Variants in GRM8 observed in about 807,000 individuals in gnomAD.
GRM8 encodes metabotropic glutamate receptor 8.
GRM8 carries 47 observed loss-of-function variants against 87.2 expected under a neutral mutation model. That is an observed-to-expected ratio of 0.54 (90% CI 0.43 to 0.69). The LOEUF is 0.69. GRM8 is among the 30% of genes least tolerant of loss of function. The pLI is 0.00. For synonymous variants in GRM8, 396 were observed against 404.5 expected (o/e 0.98, Z 0.25); for missense variants, 1,019 against 1,139.2 (o/e 0.89, Z 1.52).
intron 3 of GRM8, among the ~76,000 whole-genome samples, chr7:127,038,846 T>C (rs1818093698): frequency 6.6e-6 from 1 of 152,200 alleles, no homozygotes; most frequent in Non-Finnish European, 1.5e-5. Context: ...CTAGAAATAA[T>C]GACAGTGGAT....
At chr7:126,661,468 T>C (rs1025834308) in intron 7 of GRM8, among the ~76,000 whole-genome samples, 1 of 152,302 alleles carries the variant, frequency 6.6e-6, no homozygotes, top group Admixed American at 6.5e-5. Flanking sequence ...GGAGAATACA[T>C]TGTACCTTCT....
chr7:126,879,398 C>T (rs1405740768), intron 6 of GRM8, among the ~76,000 whole-genome samples: 1 of 152,088 alleles, frequency 6.6e-6, no homozygotes, highest in Non-Finnish European at 1.5e-5. Context: ...TATGAATATG[C>T]ATGATTATTT....
chr7:127,213,320 A>C (rs574628974), intron 2 of GRM8, among the ~76,000 whole-genome samples: 2 of 152,220 alleles, frequency 1.3e-5, no homozygotes, highest in Non-Finnish European at 2.9e-5. Flanking sequence ...TGGCTAGCCT[A>C]AACTACTGAG....
intron 3 of GRM8, among the ~76,000 whole-genome samples, chr7:126,922,943 C>T (rs1250620120): frequency 1.3e-5 from 2 of 152,142 alleles, no homozygotes; most frequent in Non-Finnish European, 2.9e-5. Context: ...GAAGCAGATG[C>T]CACTATGCTT....
chr7:126,459,611 G>C (rs977108777), intron 9 of GRM8, among the ~76,000 whole-genome samples: 3 of 151,442 alleles, frequency 2.0e-5, no homozygotes, highest in East Asian at 3.9e-4. Context: ...GTGTCTTGCT[G>C]CTATTTGAAA....
intron 2 of GRM8, among the ~76,000 whole-genome samples, chr7:127,171,178 T>C (rs1379257272): frequency 1.3e-5 from 2 of 152,164 alleles, no homozygotes; most frequent in Non-Finnish European, 2.9e-5. Context: ...GCCTTAAGTA[T>C]GACTGAATTG....
intron 6 of GRM8, among the ~76,000 whole-genome samples, chr7:126,775,479 G>GTTTTTTTTTTTTGTT (rs1819334726): frequency 2.9e-5 from 3 of 104,748 alleles, no homozygotes; most frequent in African/African-American, 1.3e-4. Flanking sequence ...TGACAAATAG[G>GTTTTTTTTTTTTGTT]TTTTTTTTTT....
At chr7:126,957,400 C>T (rs1039296189) in intron 3 of GRM8, among the ~76,000 whole-genome samples, 9 of 152,136 alleles carry the variant, frequency 5.9e-5, no homozygotes, top group Admixed American at 3.3e-4. Flanking sequence ...CATCCCCTAC[C>T]GAGTTGGAGT....
intron 6 of GRM8, among the ~76,000 whole-genome samples, chr7:126,816,569 T>G (rs185450037): frequency 3.7e-4 from 56 of 152,222 alleles, no homozygotes; most frequent in Admixed American, 3.3e-3. Context: ...TAGTTTCCTC[T>G]TCTGAAAAAT....
intron 7 of GRM8, among the ~76,000 whole-genome samples, chr7:126,712,541 G>C (rs1811210109): frequency 6.6e-6 from 1 of 152,090 alleles, no homozygotes; most frequent in African/African-American, 2.4e-5. Context: ...GTACCTGTGA[G>C]GCGCAATAAA....
chr7:126,562,727 G>A (rs914129710), intron 8 of GRM8, among the ~76,000 whole-genome samples: 35 of 152,088 alleles, frequency 2.3e-4, no homozygotes, highest in South Asian at 4.1e-4. Context: ...AAACCCTGTT[G>A]CTACTGAAAC....
rs763074427 is a variant in GRM8, at chr7:126,685,594, C to T, written c.1358-76096G>A. On this transcript the variant is annotated intron_variant, in intron 7 of 10. Coordinates refer to ENST00000339582, the MANE Select transcript of GRM8 (RefSeq NM_000845.3). This position sits in a 1 kb window ranked among gnomAD's most constrained non-coding sequence, Gnocchi z 4.2. ...TCTTGGAGTAAGGTTGGGGCCAAGC[C>T]TGAGCACTGTTGCAGTTTGGCCAGG... is the stretch of plus-strand genomic sequence containing the variant. Among the ~76,000 whole-genome samples the T allele has an allele frequency of 6.6e-6, 1 of 152,132 alleles. No individual in the cohort carries two copies. Among genetic ancestry groups the T allele is most frequent in the Non-Finnish European group, 1.5e-5 (1 of 68,006 alleles).
chr7:126,467,156 C>G (rs892829470), intron 9 of GRM8, among the ~76,000 whole-genome samples: 1 of 151,524 alleles, frequency 6.6e-6, no homozygotes, highest in African/African-American at 2.4e-5. Flanking sequence ...CCCCCCACCC[C>G]CCGACAGGCT....
chr7:126,443,299 A>T (rs985988474), intron 10 of GRM8, among the ~76,000 whole-genome samples: 1 of 152,042 alleles, frequency 6.6e-6, no homozygotes, highest in African/African-American at 2.4e-5. Context: ...TTAAAAATGT[A>T]AACTATAGTC....
At chr7:126,701,796 G>A in intron 7 of GRM8, 1 of 1,292,926 alleles carries the variant, frequency 7.7e-7, no homozygotes, top group Non-Finnish European at 1.0e-6. Context: ...GAGTTGGCCA[G>A]GGTAGAGACA....
chr7:126,945,850 G>A (rs1807476595), intron 3 of GRM8, among the ~76,000 whole-genome samples: 1 of 152,160 alleles, frequency 6.6e-6, no homozygotes, highest in Non-Finnish European at 1.5e-5. Context: ...TAAAGGCCTG[G>A]AAGAATACAC....
At chr7:127,112,859 G>T (rs1027238418) in intron 2 of GRM8, among the ~76,000 whole-genome samples, 2 of 152,184 alleles carry the variant, frequency 1.3e-5, no homozygotes, top group African/African-American at 4.8e-5. Context: ...ACAGCCCACG[G>T]ACTTCAATGT....
chr7:126,980,165 G>T (rs1308347151), intron 3 of GRM8, among the ~76,000 whole-genome samples: 1 of 152,104 alleles, frequency 6.6e-6, no homozygotes, highest in African/African-American at 2.4e-5. Flanking sequence ...GTATGCAAGG[G>T]TTTATTCATT....
intron 3 of GRM8, among the ~76,000 whole-genome samples, chr7:126,927,188 C>T (rs774572640): frequency 1.2e-4 from 18 of 152,264 alleles, no homozygotes; most frequent in Non-Finnish European, 1.8e-4. Flanking sequence ...CAGGCTAGAA[C>T]GCAGTGGTGC....
Sources: gnomAD v4.1 joint callset for allele counts (sites outside exome capture counted in the v4.1 genomes callset) on GRCh38, gnomAD v4.1.1 for gene constraint, Gnocchi (gnomAD v3.1) non-coding constraint, MANE v1.5 for transcripts, NCBI Gene and HGNC (gene_info 2026-07-23, HGNC 2026-07-21) for gene names.